The following PALLD variants were observed in gnomAD, a reference collection of about 807,000 sequenced individuals.
The protein encoded by PALLD is palladin.
A neutral mutation model predicts 123.5 loss-of-function variants in PALLD; 61 were observed. The observed-to-expected ratio is 0.49, with a 90% CI of 0.40 to 0.61. The LOEUF is 0.61. Ranked by LOEUF, PALLD falls within the 20% of genes least tolerant of loss-of-function variation. The pLI, the probability that PALLD is intolerant of heterozygous loss-of-function variation, is 0.00. For missense variants in PALLD, 1,273 were observed against 1,377.0 expected (o/e 0.92, Z 1.20); for synonymous variants, 465 against 496.4 (o/e 0.94, Z 0.84).
At chr4:168,758,302 C>T (rs1024041509) in intron 10 of PALLD, among the ~76,000 whole-genome samples, 1 of 152,204 alleles carries the variant, frequency 6.6e-6, no homozygotes, top group South Asian at 2.1e-4. Flanking sequence ...GACATTGATC[C>T]AACTCAAATT....
intron 10 of PALLD, among the ~76,000 whole-genome samples, chr4:168,792,774 G>GTT (rs895087458): frequency 6.9e-6 from 1 of 145,616 alleles, no homozygotes; most frequent in Non-Finnish European, 1.5e-5. Flanking sequence ...TTCTTTTTTT[G>GTT]TTTTTTTTTT....
At chr4:168,910,818 C>T (rs948790467) in intron 15 of PALLD, among the ~76,000 whole-genome samples, 10 of 152,142 alleles carry the variant, frequency 6.6e-5, no homozygotes, top group Non-Finnish European at 1.5e-4. Context: ...GTATTTAAGG[C>T]TCATTCCAGG....
intron 10 of PALLD, chr4:168,877,972 C>G: frequency 6.7e-7 from 1 of 1,502,310 alleles, no homozygotes; most frequent in Non-Finnish European, 8.8e-7. Context: ...AGCAGTTCAT[C>G]GCCGCGCAGA....
intron 19 of PALLD, 130 bp downstream of exon 19, chr4:168,924,550 A>G (rs778470703): frequency 1.3e-4 from 123 of 965,542 alleles, no homozygotes; most frequent in Non-Finnish European, 9.7e-5. Flanking sequence ...GATGAAATCA[A>G]TCAAAGACAA....
At chr4:168,656,156 G>T (rs1285520452) in intron 2 of PALLD, among the ~76,000 whole-genome samples, 4 of 152,086 alleles carry the variant, frequency 2.6e-5, no homozygotes, top group Admixed American at 2.6e-4. Context: ...TGTAATTGTA[G>T]CAACAGAATA....
chr4:168,822,002 T>C (rs549612201), intron 10 of PALLD, among the ~76,000 whole-genome samples: 1 of 152,196 alleles, frequency 6.6e-6, no homozygotes, highest in Admixed American at 6.5e-5. Context: ...GAAAGTTCTG[T>C]GCCAGGCCAT....
chr4:168,555,251 T>C (rs964296942), intron 2 of PALLD, among the ~76,000 whole-genome samples: 5 of 152,196 alleles, frequency 3.3e-5, no homozygotes, highest in African/African-American at 9.6e-5. Context: ...AGCAGGTATC[T>C]GTCAAGGCTG....
At chr4:168,499,905 C>CTA (rs70961529) in intron 1 of PALLD, among the ~76,000 whole-genome samples, 108,502 of 151,890 alleles carry the variant, frequency 0.71, 39,034 homozygotes, top group African/African-American at 0.79. Flanking sequence ...TTCATCGACT[C>CTA]AAAGTATTTC....
intron 10 of PALLD, among the ~76,000 whole-genome samples, chr4:168,784,750 T>C (rs1188957063): frequency 1.3e-5 from 2 of 152,212 alleles, no homozygotes; most frequent in Non-Finnish European, 2.9e-5. Context: ...TACTTGGGAA[T>C]GTAAGTCAAA....
intron 10 of PALLD, among the ~76,000 whole-genome samples, chr4:168,809,091 G>A (rs184637806): frequency 1.4e-3 from 218 of 152,286 alleles, no homozygotes; most frequent in African/African-American, 4.6e-3. Context: ...TTGTGGGTGA[G>A]TTTCTTTTGC....
rs149735380 is a variant in PALLD, at chr4:168,600,030, C to CAT, written c.909-68158_909-68157dup. On this transcript the variant is annotated intron_variant, in intron 2 of 21. Coordinates refer to ENST00000505667, the MANE Select transcript of PALLD (RefSeq NM_001166108.2). Reference sequence around the variant, plus strand: ...ATATACATACATGTGTGTACACACACATACATACATGTGTATACACACATA... The same window carrying CAT: ...ATATACATACATGTGTGTACACACACATATACATACATGTGTATACACACATA... Among the ~76,000 whole-genome samples, 143 of 144,892 alleles carry CAT rather than the reference C, an allele frequency of 9.9e-4. 1 individual carries two copies. Among genetic ancestry groups the CAT allele is most frequent in the Admixed American group, 3.3e-3 (49 of 14,794 alleles).
intron 4 of PALLD, among the ~76,000 whole-genome samples, chr4:168,682,143 A>G (rs1199532825): frequency 6.6e-6 from 1 of 152,218 alleles, no homozygotes; most frequent in Admixed American, 6.5e-5. Flanking sequence ...AAACTTAGTT[A>G]TTCCTACAAA....
rs11398274 is a variant in PALLD, at chr4:168,608,850, ATT to A, written c.909-59325_909-59324del. ...ATGAGGAAGGCGGAAAGCTATAACT[ATT>A]TTTTTTTTTTTTTTGCCTTACCAAG... On this transcript the variant is annotated intron_variant, in intron 2 of 21. Transcript: ENST00000505667. Among the ~76,000 whole-genome samples, 683 of 135,606 alleles carry A rather than the reference ATT, an allele frequency of 5.0e-3. 2 individuals carry two copies. The highest frequency in any genetic ancestry group is 0.015 in the African/African-American group (560 of 36,542). The allele number at this position is 135,606 out of a possible 152,430, so 89.0% of individuals were successfully genotyped here.
At chr4:168,808,872 G>A (rs140004791) in intron 10 of PALLD, among the ~76,000 whole-genome samples, 3 of 152,276 alleles carry the variant, frequency 2.0e-5, no homozygotes, top group East Asian at 3.9e-4. Context: ...ACAACATGTG[G>A]GAATTATGGG....
chr4:168,564,123 C>T (rs190668530), intron 2 of PALLD, among the ~76,000 whole-genome samples: 5 of 152,302 alleles, frequency 3.3e-5, no homozygotes, highest in Admixed American at 3.3e-4. Context: ...CTGTCCTTTA[C>T]TATGACATTA....
At chr4:168,742,464 T>G (rs6811238) in intron 10 of PALLD, among the ~76,000 whole-genome samples, 80,183 of 151,926 alleles carry the variant, frequency 0.53, 21,326 homozygotes, top group East Asian at 0.63. Context: ...TTGTTTAAAG[T>G]GTTATGATAG....
chr4:168,728,099 G>T (rs546867607), intron 10 of PALLD, among the ~76,000 whole-genome samples: 24 of 152,282 alleles, frequency 1.6e-4, no homozygotes, highest in South Asian at 8.3e-4. Flanking sequence ...TGCTGTTTTG[G>T]TTACTGTAGC....
Position 168,511,685 on chromosome 4 carries a change from G to A in PALLD, c.181G>A (p.Glu61Lys), listed in dbSNP as rs1488959264. Residue 61 changes from glutamate (E) to lysine (K), a missense_variant, in exon 2 of 22, where the codon GAA becomes AAA. This residue lies in a region of PALLD where 944 missense variants were observed against 954.5 expected (regional missense o/e 0.99). Coordinates refer to ENST00000505667, the MANE Select transcript of PALLD (RefSeq NM_001166108.2). ...CTCCGAAACAGAAGATTTTGACTCG[G>A]AAAAGGAGATCTCGCAGATTTTCAG... ...ADSETEDFDS[E>K]KEISQIFSTS... 6.2e-7 allele frequency: 1 copy of A among 1,614,062 alleles called. No homozygotes were observed. The highest frequency in any genetic ancestry group is 1.3e-5 in the African/African-American group (1 of 74,926).
intron 8 of PALLD, among the ~76,000 whole-genome samples, chr4:168,692,706 T>C (rs77970908): frequency 0.038 from 5,824 of 152,318 alleles, 368 homozygotes; most frequent in East Asian, 0.29. Flanking sequence ...TAATGCTTTG[T>C]GTATAAATAA....
Sources: allele counts gnomAD v4.1 joint callset (sites outside exome capture counted in the v4.1 genomes callset), GRCh38; gene constraint gnomAD v4.1.1; regional missense constraint gnomAD v4.1.1; transcripts MANE v1.5; gene names NCBI Gene and HGNC (gene_info 2026-07-23, HGNC 2026-07-21).